LILRA2: variants seen among roughly 807,000 people sequenced by gnomAD.
The protein encoded by LILRA2 is leukocyte immunoglobulin-like receptor subfamily A member 2.
In LILRA2, 45 loss-of-function variants were observed where a neutral mutation model predicts 47.9. The ratio of observed to expected loss-of-function variants is 0.94; its 90% CI spans 0.74 to 1.20. The LOEUF (loss-of-function observed/expected upper bound fraction) is 1.20, where lower values mean the gene tolerates loss of function less well. LILRA2 is among the 50% of genes most tolerant of loss of function. LILRA2 has a pLI of 0.00. For synonymous variants in LILRA2, 279 were observed against 249.2 expected (o/e 1.12, Z -1.13); for missense variants, 651 against 598.2 (o/e 1.09, Z -0.92).
chr19:54,576,487 C>G (rs1474733845), intron 6 of LILRA2, among the ~76,000 whole-genome samples: 1 of 152,266 alleles, frequency 6.6e-6, no homozygotes, highest in Non-Finnish European at 1.5e-5. Context: ...ACCAGCCACT[C>G]CCAGCTCAAG....
At chr19:54,574,691 G>C in intron 3 of LILRA2, 40 bp from the exon 4 acceptor site, 1 of 1,603,038 alleles carries the variant, frequency 6.2e-7, no homozygotes, top group Non-Finnish European at 8.5e-7. Context: ...GATGTGGGAG[G>C]TGGGAGCCCC....
chr19:54,587,279 TC>T lies in LILRA2; in HGVS notation c.1387del (p.Leu463SerfsTer70). ...RMGVAGLVLV[V>X]LGILLFEAQH... ...GGTGTGGCTGGCTTGGTCCTGGTGG[TC>T]CTCGGGATTCTGCTATTTGAGGCTC... is the stretch of plus-strand genomic sequence containing the variant. On this transcript the variant is annotated frameshift_variant, in exon 8 of 8. Coordinates refer to ENST00000391738, the MANE Select transcript of LILRA2 (RefSeq NM_001130917.3). LOFTEE classifies it low-confidence loss of function (END_TRUNC). The T allele has an allele frequency of 6.2e-7, 1 of 1,614,016 alleles. No homozygotes were observed. Among genetic ancestry groups the T allele is most frequent in the South Asian group, 1.1e-5 (1 of 91,060 alleles).
In LILRA2 at chr19:54,573,909, C is replaced by T. The variant is rs139672047; in HGVS notation, c.31C>T (p.Leu11Phe). Residue 11 changes from leucine to phenylalanine, a missense_variant, in exon 1 of 8, where the codon CTC becomes TTC. Physicochemically the swap from Leu to Phe is conservative, Grantham distance 22. Coordinates refer to ENST00000391738, the MANE Select transcript of LILRA2 (RefSeq NM_001130917.3). Reference sequence around the variant, plus strand: ...CCCCATCCTCACGGTCCTGATCTGTCTCGGTGAGATTTGAAGAGGGAGGGG... The same window carrying T: ...CCCCATCCTCACGGTCCTGATCTGTTTCGGTGAGATTTGAAGAGGGAGGGG... MTPILTVLIC[L>F]GLSLGPRTHV... 1.7e-4 allele frequency: 275 copies of T among 1,614,094 alleles called. No individual in the cohort carries two copies. Among genetic ancestry groups the T allele is most frequent in the Non-Finnish European group, 2.2e-4 (254 of 1,180,038 alleles).
upstream of LILRA2, chr19:54,573,128 T>C (rs915337066): frequency 4.1e-6 from 1 of 242,822 alleles, no homozygotes; most frequent in Non-Finnish European, 8.3e-6. Context: ...GGACTAGAGA[T>C]GTGAGCTGCC....
chr19:54,583,216 A>C (rs969066257), intron 6 of LILRA2, among the ~76,000 whole-genome samples: 1 of 152,180 alleles, frequency 6.6e-6, no homozygotes, highest in African/African-American at 2.4e-5. Context: ...CAATTTTGGA[A>C]TAAGTGCAAA....
rs1250875786 is a variant in LILRA2 at position 54,574,108 on chromosome 19, G to A, written c.67G>A (p.Ala23Thr). The A allele has an allele frequency of 1.9e-6, 3 of 1,614,256 alleles. No individual in the cohort carries two copies. The South Asian group carries it at 3.3e-5, about 18-fold the overall frequency. ...TCTGGGCCCCAGGACCCACGTGCAG[G>A]CAGGTGAGTCTGTTCCCAGCTGTCC... is the stretch of plus-strand genomic sequence containing the variant. ...LSLGPRTHVQ[A>T]GHLPKPTLWA... Residue 23 changes from alanine (A) to threonine (T), a missense_variant, in exon 2 of 8, where the codon GCA becomes ACA. Physicochemically the swap from Ala to Thr is moderately conservative, Grantham distance 58. Coordinates refer to ENST00000391738, the MANE Select transcript of LILRA2 (RefSeq NM_001130917.3).
intron 6 of LILRA2, among the ~76,000 whole-genome samples, chr19:54,584,753 G>A (rs1008464086): frequency 1.3e-5 from 2 of 152,214 alleles, no homozygotes; most frequent in Admixed American, 1.3e-4. Flanking sequence ...TGTTATTACC[G>A]ACCTTCTGAA....
Position 54,590,077 on chromosome 19 carries a change from A to G in LILRA2, c.*2731A>G, listed in dbSNP as rs1192202247. The G allele has an allele frequency of 2.0e-5, 3 of 152,184 alleles. No homozygotes were observed. The highest frequency in any genetic ancestry group is 2.9e-5 in the Non-Finnish European group (2 of 68,030). 9.4% of individuals were successfully genotyped at this position (152,184 alleles called of 1,614,324 possible). A position where few individuals can be genotyped will look rare whatever the true frequency, so the allele number is the denominator to read the frequency against. Reference sequence around the variant, plus strand: ...GTGCACATTAAACTCATGATCTTTCATTTCTGTAAAAATGTCAACTATTTC... The same window carrying G: ...GTGCACATTAAACTCATGATCTTTCGTTTCTGTAAAAATGTCAACTATTTC... On this transcript the variant is annotated 3_prime_UTR_variant, in exon 8 of 8. Transcript: ENST00000391738.
intron 6 of LILRA2, among the ~76,000 whole-genome samples, chr19:54,583,308 C>A (rs906746523): frequency 1.3e-5 from 2 of 152,138 alleles, no homozygotes; most frequent in Non-Finnish European, 2.9e-5. Flanking sequence ...TGGTTCAGAC[C>A]TGAGTTCAAG....
At chr19:54,580,471 G>A (rs2062618211) in intron 6 of LILRA2, among the ~76,000 whole-genome samples, 2 of 21,562 alleles carry the variant, frequency 9.3e-5, no homozygotes, top group South Asian at 1.4e-3. Context: ...TTGTTCTTGC[G>A]ATAGTTTACT....
intron 6 of LILRA2, 116 bp downstream of exon 6, chr19:54,576,225 A>C: frequency 7.0e-7 from 1 of 1,423,128 alleles, no homozygotes; most frequent in South Asian, 1.2e-5. Context: ...TCCACAGGGG[A>C]GGGTCCAGCC....
In LILRA2 at chr19:54,574,936, C is replaced by T. The variant is rs142060490; in HGVS notation, c.558C>T (p.Ser186=). The T allele has an allele frequency of 1.4e-3, 2,204 of 1,614,260 alleles. 1 individual carries two copies. The highest frequency in any genetic ancestry group is 1.5e-3 in the Non-Finnish European group (1,815 of 1,180,022). ...CCATCTTCTCCGTGGGCCCCGTGAG[C>T]CCGAGTCGCAGGTGGTCGTACAGGT... is the stretch of plus-strand genomic sequence containing the variant. ...SWAIFSVGPV[S]PSRRWSYRCY... Residue 186 remains serine, a synonymous_variant, in exon 4 of 8, where the codon AGC becomes AGT. Coordinates refer to ENST00000391738, the MANE Select transcript of LILRA2 (RefSeq NM_001130917.3).
At chr19:54,581,206 A>G (rs1247266360) in intron 6 of LILRA2, among the ~76,000 whole-genome samples, 2 of 584 alleles carry the variant, frequency 3.4e-3, no homozygotes, top group African/African-American at 0.029. Flanking sequence ...CTTTAGTTTA[A>G]TTAGATCCCA....
chr19:54,573,243 T>G (rs1389611564), upstream of LILRA2: 2 of 439,894 alleles, frequency 4.5e-6, no homozygotes, highest in East Asian at 9.0e-5. Context: ...CTCAGCCTCC[T>G]GAAGTGCTGG....
intron 6 of LILRA2, among the ~76,000 whole-genome samples, chr19:54,581,737 T>C (rs1038693323): frequency 6.6e-6 from 1 of 151,336 alleles, no homozygotes; most frequent in Non-Finnish European, 1.5e-5. Flanking sequence ...ATGGCCATAC[T>C]GCCCAAGGTA....
rs150454017 is a variant in LILRA2 at position 54,584,982 on chromosome 19, A to G, written c.1256-2028A>G. On this transcript the variant is annotated intron_variant, in intron 6 of 7. Transcript: ENST00000391738. ...TGGTGTGGATGTCCTTTTTGTTGACATTGATGCTATTCCTTTCTGTTTGTT... is the reference window on the plus strand; with the variant it reads ...TGGTGTGGATGTCCTTTTTGTTGACGTTGATGCTATTCCTTTCTGTTTGTT... 5.9e-3 allele frequency among the ~76,000 whole-genome samples: 891 copies of G among 152,256 alleles called. 14 individuals carry two copies. Among genetic ancestry groups the G allele is most frequent in the African/African-American group, 0.018 (744 of 41,548 alleles).
At chr19:54,577,468 C>G (rs1340766624) in intron 6 of LILRA2, 78 of 1,281,218 alleles carry the variant, frequency 6.1e-5, no homozygotes, top group Non-Finnish European at 7.6e-5. Flanking sequence ...TTCCAAGAGC[C>G]CCTGAGTATA....
rs112235102 is a variant in LILRA2, at chr19:54,574,872, G to A, written c.494G>A (p.Arg165His). 7.0e-4 allele frequency: 1,137 copies of A among 1,613,964 alleles called. No homozygotes were observed. The Middle Eastern group carries it at 0.016, about 23-fold the overall frequency. ...GAAGGAGAAGATGAACACCCACAAC[G>A]CCTGAACTCCCATTCCCATGCCCGT... Reference protein sequence around the residue: ...CKEGEDEHPQRLNSHSHARGW... With the variant: ...CKEGEDEHPQHLNSHSHARGW... The change falls in exon 4 of 8, where the codon CGC becomes CAC. Residue 165 changes from arginine to histidine, a missense_variant. Physicochemically the swap from Arg to His is conservative, Grantham distance 29. Coordinates refer to ENST00000391738, the MANE Select transcript of LILRA2 (RefSeq NM_001130917.3).
intron 6 of LILRA2, among the ~76,000 whole-genome samples, chr19:54,582,613 G>T (rs2062676290): frequency 6.6e-6 from 1 of 152,116 alleles, no homozygotes; most frequent in African/African-American, 2.4e-5. Flanking sequence ...TGTGGAATCG[G>T]TGGTGATATC....
Sources: gnomAD v4.1 joint callset for allele counts (sites outside exome capture counted in the v4.1 genomes callset) on GRCh38, gnomAD v4.1.1 for gene constraint, MANE v1.5 for transcripts, NCBI Gene and HGNC (gene_info 2026-07-23, HGNC 2026-07-21) for gene names.